Variants in STON2 observed in about 807,000 individuals in gnomAD.
STON2 encodes the protein stonin-2.
Under a neutral mutation model 65.7 loss-of-function variants are expected in STON2, and 29 were observed. That is an observed-to-expected ratio of 0.44 (90% CI 0.33 to 0.60). The LOEUF is 0.60. STON2 is among the 20% of genes least tolerant of loss of function. STON2 has a pLI of 0.03. For synonymous variants in STON2, 404 were observed against 414.2 expected, an observed-to-expected ratio of 0.98 and a Z score of 0.30; for missense variants, 1,054 against 1,118.1, an observed-to-expected ratio of 0.94 and a Z score of 0.82.
chr14:81,405,105 C>T (rs775756585), upstream of STON2, among the ~76,000 whole-genome samples: 2 of 152,068 alleles, frequency 1.3e-5, no homozygotes, highest in Admixed American at 1.3e-4. Flanking sequence ...AGTGGAGTTT[C>T]TTGAATCTGT....
chr14:81,297,025 G>A (rs1464777734), intron 5 of STON2, among the ~76,000 whole-genome samples: 3 of 152,158 alleles, frequency 2.0e-5, no homozygotes, highest in Admixed American at 1.3e-4. Flanking sequence ...TTTGGGGTTG[G>A]ATTCTCTAAC....
At chr14:81,295,055 T>C (rs1451474485) in intron 5 of STON2, among the ~76,000 whole-genome samples, 1 of 152,196 alleles carries the variant, frequency 6.6e-6, no homozygotes, top group South Asian at 2.1e-4. Flanking sequence ...CCGGGCACGG[T>C]GGCTCATGCC....
At position 81,398,357 on chromosome 14, in the gene STON2, G is replaced by C; in HGVS notation, c.26C>G (p.Ala9Gly). Residue 9 changes from alanine to glycine, a missense_variant, in exon 2 of 8, where the codon GCC (alanine) becomes GGC (glycine). Coordinates refer to ENST00000614646, the MANE Select transcript of STON2 (RefSeq NM_001394390.1). MTTLDHVIATHQSEWVSFN... is the reference protein window; with the variant it reads MTTLDHVIGTHQSEWVSFN... ...GGAGACCCATTCTGACTGGTGGGTG[G>C]CAATCACATGGTCCAAAGTCGTCAT... The C allele has an allele frequency of 6.2e-7, 1 of 1,613,930 alleles. No individual in the cohort carries two copies.
chr14:81,418,008 T>C (rs1901523928), intron 2 of STON2, among the ~76,000 whole-genome samples: 1 of 152,186 alleles, frequency 6.6e-6, no homozygotes. Context: ...TGAGAAAGCT[T>C]GCAGAGTTTA....
chr14:81,385,723 C>G (rs996932992), intron 3 of STON2, among the ~76,000 whole-genome samples: 3 of 152,232 alleles, frequency 2.0e-5, no homozygotes, highest in African/African-American at 7.2e-5. Flanking sequence ...TCTCCTTTCA[C>G]TAGTCCAGCA....
In STON2 at chr14:81,268,194, G is replaced by A. The variant is rs1894430842; in HGVS notation, c.*220C>T. ...CAGGTGAACCTCGTGCTTTAGGCAT[G>A]ACCAGAATCAAAGAGCCTCTCCAAA... On this transcript the variant is annotated 3_prime_UTR_variant, in exon 8 of 8. Coordinates refer to ENST00000614646, the MANE Select transcript of STON2 (RefSeq NM_001394390.1). 8.8e-7 allele frequency: 1 copy of A among 1,141,910 alleles called. No individual in the cohort carries two copies. Among genetic ancestry groups the A allele is most frequent in the African/African-American group, 1.6e-5 (1 of 61,188 alleles). The allele number at this position is 1,141,910 out of a possible 1,614,324, so 70.7% of individuals were successfully genotyped here.
rs1894248404 is a variant in STON2, at chr14:81,263,647, T to G, written c.*4767A>C. 1 of 781,506 alleles carries G rather than the reference T, an allele frequency of 1.3e-6. No homozygotes were observed. Among genetic ancestry groups the G allele is most frequent in the Non-Finnish European group, 1.6e-6 (1 of 644,348 alleles). 48.4% of individuals were successfully genotyped at this position (781,506 alleles called of 1,614,324 possible). On this transcript the variant is annotated 3_prime_UTR_variant, in exon 8 of 8. Transcript: ENST00000614646. ...TTTTATGTGTGACCCAAGACAATTCTTCTTCCTATGTGGCCCAGGGAAGCC... is the reference window on the plus strand; with the variant it reads ...TTTTATGTGTGACCCAAGACAATTCGTCTTCCTATGTGGCCCAGGGAAGCC...
At chr14:81,283,701 T>C (rs1379148277) in intron 5 of STON2, among the ~76,000 whole-genome samples, 2 of 152,122 alleles carry the variant, frequency 1.3e-5, no homozygotes, top group African/African-American at 2.4e-5. Flanking sequence ...CGGCTAATTT[T>C]TGTATTTTTA....
Position 81,262,056 on chromosome 14 carries a change from C to T in STON2, c.*6358G>A. 7.7e-7 allele frequency: 1 copy of T among 1,306,038 alleles called. No homozygotes were observed. Among genetic ancestry groups the T allele is most frequent in the South Asian group, 2.5e-5 (1 of 40,264 alleles). 80.9% of individuals were successfully genotyped at this position (1,306,038 alleles called of 1,614,324 possible). On this transcript the variant is annotated 3_prime_UTR_variant, in exon 8 of 8. Transcript: ENST00000614646. ...GTTCTTATAAACATAGGAAGAGTCA[C>T]TGAAAGGTGGCACCAATGGATATTT...
intron 1 of STON2, among the ~76,000 whole-genome samples, chr14:81,431,973 T>C (rs1245001911): frequency 6.6e-6 from 1 of 152,134 alleles, no homozygotes; most frequent in Non-Finnish European, 1.5e-5. Context: ...ATAGAATTTC[T>C]AGAATTTTCT....
At chr14:81,359,940 C>T (rs1012669240) in intron 4 of STON2, among the ~76,000 whole-genome samples, 8 of 152,118 alleles carry the variant, frequency 5.3e-5, no homozygotes, top group Admixed American at 2.0e-4. Context: ...TGAAGTCTGC[C>T]ATTAGCCAGG....
chr14:81,284,643 T>TA (rs1566889076), intron 5 of STON2, among the ~76,000 whole-genome samples: 2 of 152,172 alleles, frequency 1.3e-5, no homozygotes, highest in Non-Finnish European at 2.9e-5. Context: ...ATTTACCTAA[T>TA]ATAATTGAGG....
intron 4 of STON2, among the ~76,000 whole-genome samples, chr14:81,328,281 T>C: frequency 6.6e-6 from 1 of 152,244 alleles, no homozygotes; most frequent in East Asian, 1.9e-4. Context: ...ATTAATTAAA[T>C]GTAAATAGAA....
chr14:81,310,580 T>C (rs1431906487), intron 5 of STON2, among the ~76,000 whole-genome samples: 2 of 152,220 alleles, frequency 1.3e-5, no homozygotes, highest in Non-Finnish European at 2.9e-5. Flanking sequence ...ATGTTATTCA[T>C]GAACTAATTA....
intron 2 of STON2, among the ~76,000 whole-genome samples, chr14:81,408,157 A>ACACACACACACACG (rs147841517): frequency 4.0e-5 from 6 of 150,410 alleles, no homozygotes; most frequent in African/African-American, 1.5e-4. Context: ...ACACACACAC[A>ACACACACACACACG]CGCGCACACA....
intron 2 of STON2, among the ~76,000 whole-genome samples, chr14:81,407,219 C>G (rs951137126): frequency 1.3e-5 from 2 of 152,164 alleles, no homozygotes; most frequent in African/African-American, 2.4e-5. Context: ...TCCCCTGGAA[C>G]ATTACTTTCT....
At chr14:81,408,161 G>GCGCA (rs1486482210) in intron 2 of STON2, among the ~76,000 whole-genome samples, 2 of 117,302 alleles carry the variant, frequency 1.7e-5, no homozygotes, top group Admixed American at 8.2e-5. Flanking sequence ...ACACACACGC[G>GCGCA]CACACACACA....
In STON2 at chr14:81,398,329, G is replaced by A. The variant is rs763782191; in HGVS notation, c.54C>T (p.Phe18=). The A allele has an allele frequency of 1.4e-5, 22 of 1,614,032 alleles. No individual in the cohort carries two copies. Among genetic ancestry groups the A allele is most frequent in the Non-Finnish European group, 1.9e-5 (22 of 1,179,926 alleles). The change falls in exon 2 of 8, where the codon TTC becomes TTT. Residue 18 remains phenylalanine (F), a synonymous_variant. Coordinates refer to ENST00000614646, the MANE Select transcript of STON2 (RefSeq NM_001394390.1). ...GGGCAGGAAAGGGTGGCTCTTCATT[G>A]AAGGAGACCCATTCTGACTGGTGGG... ...IATHQSEWVS[F]NEEPPFPAHS...
intron 4 of STON2, among the ~76,000 whole-genome samples, chr14:81,327,091 G>A (rs1270791861): frequency 1.3e-5 from 2 of 152,204 alleles, no homozygotes; most frequent in Non-Finnish European, 2.9e-5. Flanking sequence ...CTGAGAGGCA[G>A]AGGCTGCAGT....
Sources: allele counts gnomAD v4.1 joint callset (sites outside exome capture counted in the v4.1 genomes callset), GRCh38; gene constraint gnomAD v4.1.1; transcripts MANE v1.5; gene names NCBI Gene and HGNC (gene_info 2026-07-23, HGNC 2026-07-21).